Variants in CSNK2A2 observed in about 807,000 individuals in gnomAD.
The protein encoded by CSNK2A2 is casein kinase II subunit alpha'.
A neutral mutation model predicts 54.0 loss-of-function variants in CSNK2A2; 8 were observed. The ratio of observed to expected loss-of-function variants is 0.15; its 90% CI spans 0.09 to 0.27. CSNK2A2 has a LOEUF of 0.27. Among genes scored for constraint, CSNK2A2 ranks in the 10% least tolerant of loss-of-function variants. The pLI is 1.00. For synonymous variants in CSNK2A2, 141 were observed against 153.9 expected (o/e 0.92, Z 0.62); for missense variants, 242 against 439.4 (o/e 0.55, Z 4.02).
At chr16:58,191,211 G>C (rs956817525) in intron 2 of CSNK2A2, among the ~76,000 whole-genome samples, 1 of 152,130 alleles carries the variant, frequency 6.6e-6, no homozygotes, top group African/African-American at 2.4e-5. Context: ...CCAGGAAATG[G>C]GGGAGGGAGA....
Position 58,190,462 on chromosome 16 carries a change from T to G in CSNK2A2, c.217-3606A>C, listed in dbSNP as rs552490388. Among the ~76,000 whole-genome samples, 3 of 152,338 alleles carry G rather than the reference T, an allele frequency of 2.0e-5. No homozygotes were observed. The South Asian group carries it at 6.2e-4, about 32-fold the overall frequency. On this transcript the variant is annotated intron_variant, in intron 2 of 11. Transcript: ENST00000262506. ...GAGTAAAAAGAAAGTTCAGCCTGGA[T>G]GATGGCACGTAATTCACTACCCTGG...
At chr16:58,170,227 G>A (rs1961697424) in intron 5 of CSNK2A2, among the ~76,000 whole-genome samples, 1 of 152,040 alleles carries the variant, frequency 6.6e-6, no homozygotes, top group South Asian at 2.1e-4. Context: ...GAGCTTGTCT[G>A]TAGTCAATCC....
intron 2 of CSNK2A2, among the ~76,000 whole-genome samples, chr16:58,195,179 TAAA>T (rs35006310): frequency 2.8e-5 from 4 of 144,612 alleles, no homozygotes; most frequent in African/African-American, 7.6e-5. Context: ...TCCTGTGACT[TAAA>T]AAAAAAAAAA....
rs1266397343 is a variant in CSNK2A2 at position 58,197,671 on chromosome 16, G to T, written c.66C>A (p.Arg22=). ...CGTGAGCCTCGTAGTCCCAGTACTC[G>T]CGGCTCCTCAGACTGTTCACCTCGG... ...VYAEVNSLRS[R]EYWDYEAHVP... is the part of the protein sequence containing the mutation. Residue 22 remains arginine (R), a synonymous_variant, in exon 1 of 12, where the codon CGC becomes CGA. Transcript: ENST00000262506. This position sits in a 1 kb window ranked among gnomAD's most constrained non-coding sequence, Gnocchi z 4.0. 1.9e-6 allele frequency: 3 copies of T among 1,578,492 alleles called. No homozygotes were observed. In the Admixed American group the frequency reaches 5.2e-5, roughly 28 times the overall value.
chr16:58,170,040 A>C (rs1156478176), intron 5 of CSNK2A2, among the ~76,000 whole-genome samples: 1 of 148,358 alleles, frequency 6.7e-6, no homozygotes, highest in Non-Finnish European at 1.5e-5. Flanking sequence ...AGCGGGTCTC[A>C]AAAAAAAAAC....
chr16:58,184,848 T>C (rs761424242), intron 3 of CSNK2A2, among the ~76,000 whole-genome samples: 18 of 151,996 alleles, frequency 1.2e-4, no homozygotes, highest in Non-Finnish European at 2.1e-4. Context: ...CTTTTGGGGG[T>C]CCAAAAGGAA....
chr16:58,186,628 C>G (rs1225390460), intron 3 of CSNK2A2, 127 bp downstream of exon 3: 6 of 626,766 alleles, frequency 9.6e-6, no homozygotes, highest in Non-Finnish European at 1.6e-5. Context: ...GGTTTTCAAA[C>G]CAGTCAGTAG....
chr16:58,180,513 T>C (rs1467726551), intron 4 of CSNK2A2, among the ~76,000 whole-genome samples: 3 of 152,070 alleles, frequency 2.0e-5, no homozygotes, highest in Admixed American at 6.5e-5. Context: ...AAACTTTAAG[T>C]TATGTTTTAA....
rs1262543075 is a variant in CSNK2A2, at chr16:58,197,795, G to C, written c.-59C>G. The C allele has an allele frequency of 2.4e-6, 1 of 420,708 alleles. No homozygotes were observed. Among genetic ancestry groups the C allele is most frequent in the Non-Finnish European group, 3.2e-6 (1 of 316,394 alleles). The allele number at this position is 420,708 out of a possible 1,614,324, so 26.1% of individuals were successfully genotyped here. ...GAGGGTGGCGGCGGCGGCGCGGCGG[G>C]GGACGCGGGGCGTCGGGCGGAGGAG... is the stretch of plus-strand genomic sequence containing the variant. On this transcript the variant is annotated 5_prime_UTR_variant, in exon 1 of 12. Coordinates refer to ENST00000262506, the MANE Select transcript of CSNK2A2 (RefSeq NM_001896.4). The surrounding 1 kb of genome is among the most constrained non-coding windows in gnomAD (Gnocchi z 4.0).
intron 11 of CSNK2A2, chr16:58,160,216 C>A (rs1961295231): frequency 6.6e-6 from 1 of 151,672 alleles, no homozygotes; most frequent in Non-Finnish European, 1.5e-5. Flanking sequence ...AGATCACTGA[C>A]AAACTTTGGC....
In CSNK2A2 at chr16:58,197,572, AG is replaced by A; in HGVS notation, c.104+60del. On this transcript the variant is annotated intron_variant, in intron 1 of 11. Coordinates refer to ENST00000262506, the MANE Select transcript of CSNK2A2 (RefSeq NM_001896.4). This position sits in a 1 kb window ranked among gnomAD's most constrained non-coding sequence, Gnocchi z 4.0. Reference sequence around the variant, plus strand: ...ACCACCGGGCCCGAGTGCGGTTCGCAGGGGGTGGCCGGGCGGGGGCAGGGAT... The same window carrying A: ...ACCACCGGGCCCGAGTGCGGTTCGCAGGGGTGGCCGGGCGGGGGCAGGGAT... The A allele has an allele frequency of 1.7e-6, 2 of 1,207,686 alleles. No homozygotes were observed. Among genetic ancestry groups the A allele is most frequent in the Admixed American group, 2.3e-5 (1 of 43,478 alleles). 74.8% of individuals were successfully genotyped at this position (1,207,686 alleles called of 1,614,324 possible).
chr16:58,159,593 T>C (rs1351049885), intron 11 of CSNK2A2: 1 of 152,252 alleles, frequency 6.6e-6, no homozygotes, highest in Non-Finnish European at 1.5e-5. Flanking sequence ...ATTGTCAACA[T>C]TTTTATTTAA....
At chr16:58,171,456 G>A (rs1284717085) in intron 5 of CSNK2A2, among the ~76,000 whole-genome samples, 2 of 152,030 alleles carry the variant, frequency 1.3e-5, no homozygotes, top group Admixed American at 1.3e-4. Context: ...CCGGGAGGTG[G>A]AGGTTGCAGT....
chr16:58,182,088 C>T (rs761095911), intron 4 of CSNK2A2, among the ~76,000 whole-genome samples: 1 of 151,864 alleles, frequency 6.6e-6, no homozygotes, highest in Non-Finnish European at 1.5e-5. Context: ...CATTAATTTC[C>T]CATAATCCCT....
chr16:58,173,026 CAACT>C (rs1451413297), intron 5 of CSNK2A2, among the ~76,000 whole-genome samples: 2 of 152,110 alleles, frequency 1.3e-5, no homozygotes, highest in African/African-American at 4.8e-5. Context: ...TAAAAATAAC[CAACT>C]GTGAGATCTG....
intron 10 of CSNK2A2, 37 bp from the exon 11 acceptor site, chr16:58,164,184 T>C (rs918497087): frequency 2.5e-6 from 4 of 1,599,602 alleles, no homozygotes; most frequent in Non-Finnish European, 3.4e-6. Flanking sequence ...GCAATCAGGG[T>C]GGTGAGTGCT....
At position 58,164,153 on chromosome 16, in the gene CSNK2A2, A is replaced by C; in HGVS notation, c.977-6T>G. 1.2e-6 allele frequency: 2 copies of C among 1,613,642 alleles called. No individual in the cohort carries two copies. Among genetic ancestry groups the C allele is most frequent in the Non-Finnish European group, 8.5e-7 (1 of 1,179,740 alleles). On this transcript the variant is annotated splice_polypyrimidine_tract_variant and splice_region_variant and intron_variant, in intron 10 of 11. Coordinates refer to ENST00000262506, the MANE Select transcript of CSNK2A2 (RefSeq NM_001896.4). ...CTGCTCCTTCACCACAGGGTCTGCA[A>C]GAAAGCAGGAGGAAAGTCAGGCAAT...
chr16:58,181,600 G>A (rs1033752091), intron 4 of CSNK2A2, among the ~76,000 whole-genome samples: 3 of 152,096 alleles, frequency 2.0e-5, no homozygotes, highest in Non-Finnish European at 4.4e-5. Context: ...AATATTCTTA[G>A]TGAGAAAATA....
intron 2 of CSNK2A2, among the ~76,000 whole-genome samples, chr16:58,187,458 G>A (rs1262936984): frequency 6.6e-6 from 1 of 152,140 alleles, no homozygotes; most frequent in East Asian, 1.9e-4. Flanking sequence ...TGTTGAATCA[G>A]GAAAGGAGAA....
Sources: gnomAD v4.1 joint callset for allele counts (sites outside exome capture counted in the v4.1 genomes callset) on GRCh38, gnomAD v4.1.1 for gene constraint, Gnocchi (gnomAD v3.1) non-coding constraint, MANE v1.5 for transcripts, NCBI Gene and HGNC (gene_info 2026-07-23, HGNC 2026-07-21) for gene names.